Variants in COG4 observed in about 807,000 individuals in gnomAD.
The protein encoded by COG4 is component of oligomeric golgi complex 4.
COG4 carries 65 observed loss-of-function variants against 95.1 expected under a neutral mutation model. The ratio of observed to expected loss-of-function variants is 0.68; its 90% CI spans 0.56 to 0.84. The LOEUF (loss-of-function observed/expected upper bound fraction) is 0.84, where lower values mean the gene tolerates loss of function less well. Ranked by LOEUF, COG4 falls within the 40% of genes least tolerant of loss-of-function variation. COG4 has a pLI of 0.00. For missense variants in COG4, 1,045 were observed against 989.1 expected, an observed-to-expected ratio of 1.06 and a Z score of -0.76; for synonymous variants, 421 against 374.8, an observed-to-expected ratio of 1.12 and a Z score of -1.42.
At position 70,496,364 on chromosome 16, in the gene COG4, C is replaced by T; in HGVS notation, c.1549G>A (p.Val517Met). The T allele has an allele frequency of 1.2e-6, 2 of 1,614,160 alleles. No individual in the cohort carries two copies. The highest frequency in any genetic ancestry group is 2.2e-5 in the South Asian group (2 of 91,080). ...ATTFQDIQRGVTSAVNIMHSS... is the reference protein window; with the variant it reads ...ATTFQDIQRGMTSAVNIMHSS... ...TGCATGATGTTCACGGCACTTGTCA[C>T]CCCGCGCTGGATGTCCTGGAAGGTG... The change falls in exon 12 of 19, where the codon GTG (valine) becomes ATG (methionine). Residue 517 changes from valine (V) to methionine (M), a missense_variant. Transcript: ENST00000323786.
At chr16:70,501,834 T>C (rs2049457930) in intron 8 of COG4, among the ~76,000 whole-genome samples, 1 of 149,134 alleles carries the variant, frequency 6.7e-6, no homozygotes, top group Non-Finnish European at 1.5e-5. Context: ...TTTTTTTTTT[T>C]CAGATTTTTG....
At chr16:70,502,512 A>T (rs1597674004) in intron 8 of COG4, among the ~76,000 whole-genome samples, 1 of 132,812 alleles carries the variant, frequency 7.5e-6, no homozygotes, top group African/African-American at 2.7e-5. Flanking sequence ...GAGGCGGGAG[A>T]GTCGCTTGAA....
At position 70,509,934 on chromosome 16, in the gene COG4, G is replaced by A. The variant is rs1047747211; in HGVS notation, c.826C>T (p.Leu276Phe). 2 of 1,613,638 alleles carry A rather than the reference G, an allele frequency of 1.2e-6. No individual in the cohort carries two copies. The highest frequency in any genetic ancestry group is 1.7e-6 in the Non-Finnish European group (2 of 1,179,600). The change falls in exon 6 of 19, where the codon CTT (leucine) becomes TTT (phenylalanine). Residue 276 changes from leucine to phenylalanine, a missense_variant. Physicochemically the swap from Leu to Phe is conservative, Grantham distance 22. Coordinates refer to ENST00000323786, the MANE Select transcript of COG4 (RefSeq NM_015386.3). ...RRAAVIFADT[L>F]TLLFEGIARI... Reference sequence around the variant, plus strand: ...GGCTCACCTTCAAACAGAAGAGTAAGTGTATCTGCAAAGATGACTGCAGCT... The same window carrying A: ...GGCTCACCTTCAAACAGAAGAGTAAATGTATCTGCAAAGATGACTGCAGCT...
In COG4 at chr16:70,523,367, C is replaced by T. The variant is rs1231380908; in HGVS notation, c.171+6G>A. The T allele has an allele frequency of 1.2e-6, 2 of 1,614,082 alleles. No homozygotes were observed. Among genetic ancestry groups the T allele is most frequent in the Non-Finnish European group, 8.5e-7 (1 of 1,179,958 alleles). On this transcript the variant is annotated splice_donor_region_variant and intron_variant, in intron 1 of 18. Coordinates refer to ENST00000323786, the MANE Select transcript of COG4 (RefSeq NM_015386.3). Reference sequence around the variant, plus strand: ...TCCATGAAAAAGAAGAGGCTCGACCCCGCACCTCCTCGCCGCAGAGCCGTT... The same window carrying T: ...TCCATGAAAAAGAAGAGGCTCGACCTCGCACCTCCTCGCCGCAGAGCCGTT...
chr16:70,522,829 T>C (rs1445300683), intron 1 of COG4, among the ~76,000 whole-genome samples: 1 of 152,166 alleles, frequency 6.6e-6, no homozygotes, highest in African/African-American at 2.4e-5. Flanking sequence ...AAGTGACTTG[T>C]CCAAGATTAG....
At chr16:70,523,175 G>A (rs892942742) in intron 1 of COG4, 198 bp downstream of exon 1, 194 of 627,266 alleles carry the variant, frequency 3.1e-4, no homozygotes, top group Middle Eastern at 1.3e-3. Flanking sequence ...CAGGTATCAG[G>A]GAAGACAAGC....
At chr16:70,519,583 A>T in intron 2 of COG4, 66 bp downstream of exon 2, 1 of 1,180,192 alleles carries the variant, frequency 8.5e-7, no homozygotes. Flanking sequence ...AGTTTAAAAA[A>T]TGGTCACTTG....
rs1215189828 is a variant in COG4 at position 70,509,125 on chromosome 16, C to A, written c.1002+106G>T. ...GTGTGCGCTTAGCATTTATTTTTCT[C>A]CTGTCTGCACCTTTTTTTTCACTTT... On this transcript the variant is annotated intron_variant, in intron 7 of 18. Transcript: ENST00000323786. The A allele has an allele frequency of 2.1e-6, 3 of 1,417,022 alleles. No individual in the cohort carries two copies. The African/African-American group carries it at 4.3e-5, about 20-fold the overall frequency. 87.8% of individuals were successfully genotyped at this position (1,417,022 alleles called of 1,614,324 possible). A position where few individuals can be genotyped will look rare whatever the true frequency, so the allele number is the denominator to read the frequency against.
chr16:70,494,146 C>T (rs570650938), intron 12 of COG4, among the ~76,000 whole-genome samples: 2 of 152,134 alleles, frequency 1.3e-5, no homozygotes, highest in Non-Finnish European at 2.9e-5. Flanking sequence ...CAACATGAGG[C>T]CTCTAATGTC....
chr16:70,493,389 A>G (rs998944155), intron 12 of COG4, among the ~76,000 whole-genome samples: 3 of 152,072 alleles, frequency 2.0e-5, no homozygotes, highest in African/African-American at 7.2e-5. Context: ...AAGCATAGCT[A>G]GTACAACTCA....
intron 9 of COG4, among the ~76,000 whole-genome samples, chr16:70,499,875 C>T (rs1190437566): frequency 5.3e-5 from 8 of 152,196 alleles, no homozygotes; most frequent in Admixed American, 1.3e-4. Context: ...TTAGCCAGGA[C>T]GGTCTTGATC....
intron 13 of COG4, among the ~76,000 whole-genome samples, chr16:70,487,415 G>T (rs1211662519): frequency 6.6e-6 from 1 of 151,968 alleles, no homozygotes; most frequent in South Asian, 2.1e-4. Context: ...TGGCCAACAT[G>T]GCAAAACCCC....
chr16:70,492,919 C>T (rs556136572), intron 12 of COG4, among the ~76,000 whole-genome samples: 18 of 152,110 alleles, frequency 1.2e-4, no homozygotes, highest in African/African-American at 3.6e-4. Flanking sequence ...GCCAAGATCG[C>T]GCCATTGCAC....
chr16:70,492,892 G>A (rs1040713131), intron 12 of COG4, among the ~76,000 whole-genome samples: 1 of 151,810 alleles, frequency 6.6e-6, no homozygotes, highest in Non-Finnish European at 1.5e-5. Flanking sequence ...GAACCTATGA[G>A]GCGGAGGTTG....
chr16:70,495,473 C>T (rs909712328), intron 12 of COG4, among the ~76,000 whole-genome samples: 3 of 151,416 alleles, frequency 2.0e-5, no homozygotes, highest in Admixed American at 1.3e-4. Context: ...AACATTTTTG[C>T]GTCCAACCCC....
intron 12 of COG4, 133 bp from the exon 13 acceptor site, chr16:70,490,525 G>T: frequency 1.3e-6 from 1 of 755,512 alleles, no homozygotes; most frequent in East Asian, 2.6e-5. Context: ...TTGCGCTAAT[G>T]AAAACCCACA....
chr16:70,523,261 C>T, intron 1 of COG4, 112 bp downstream of exon 1: 1 of 1,357,948 alleles, frequency 7.4e-7, no homozygotes, highest in Non-Finnish European at 1.0e-6. Flanking sequence ...CTTTGTTTTC[C>T]CGCTTTTTTG....
intron 3 of COG4, among the ~76,000 whole-genome samples, chr16:70,515,437 G>C (rs2049801278): frequency 6.6e-6 from 1 of 152,100 alleles, no homozygotes; most frequent in East Asian, 1.9e-4. Context: ...TGTAATCCCA[G>C]CACTTTCGGA....
rs2049995318 is a variant in COG4 at position 70,523,356 on chromosome 16, G to A, written c.171+17C>T. On this transcript the variant is annotated intron_variant, in intron 1 of 18. Coordinates refer to ENST00000323786, the MANE Select transcript of COG4 (RefSeq NM_015386.3). ...TCCCTAGATCCTCCATGAAAAAGAA[G>A]AGGCTCGACCCCGCACCTCCTCGCC... The A allele has an allele frequency of 6.2e-7, 1 of 1,613,934 alleles. No homozygotes were observed. The highest frequency in any genetic ancestry group is 1.1e-5 in the South Asian group (1 of 91,078).
Sources: allele counts gnomAD v4.1 joint callset (sites outside exome capture counted in the v4.1 genomes callset), GRCh38; gene constraint gnomAD v4.1.1; transcripts MANE v1.5; gene names NCBI Gene and HGNC (gene_info 2026-07-23, HGNC 2026-07-21).